Variants in METTL15 observed in about 807,000 individuals in gnomAD.
METTL15 encodes the protein 12S rRNA N(4)-cytidine methyltransferase METTL15.
METTL15 carries 34 observed loss-of-function variants against 38.3 expected under a neutral mutation model. The observed-to-expected ratio is 0.89, with a 90% confidence interval of 0.68 to 1.18. The LOEUF (loss-of-function observed/expected upper bound fraction) is 1.18. Among genes scored for constraint, METTL15 ranks in the 50% most tolerant of loss-of-function variants. The pLI is 0.00. For synonymous variants in METTL15, 162 were observed against 170.9 expected, an observed-to-expected ratio of 0.95 and a Z score of 0.41; for missense variants, 438 against 498.4, an observed-to-expected ratio of 0.88 and a Z score of 1.15.
intron 4 of METTL15, among the ~76,000 whole-genome samples, chr11:28,213,658 CTT>C (rs34361912): frequency 7.6e-6 from 1 of 131,918 alleles, no homozygotes; most frequent in Non-Finnish European, 1.6e-5. Context: ...GCCTTTTTTT[CTT>C]TTTTTTTTTT....
chr11:28,289,326 C>A (rs1856416011), intron 4 of METTL15, among the ~76,000 whole-genome samples: 1 of 152,130 alleles, frequency 6.6e-6, no homozygotes, highest in South Asian at 2.1e-4. Context: ...TTAAAAATTA[C>A]TAATGAGCTG....
At chr11:28,441,285 G>A (rs1210229756) in intron 6 of METTL15, among the ~76,000 whole-genome samples, 4 of 151,882 alleles carry the variant, frequency 2.6e-5, no homozygotes, top group Admixed American at 2.0e-4. Context: ...CACCATGTTG[G>A]CCAGGCTGGT....
At chr11:28,228,343 AAT>A (rs61330090) in intron 4 of METTL15, among the ~76,000 whole-genome samples, 13,212 of 151,878 alleles carry the variant, frequency 0.087, 1,028 homozygotes, top group East Asian at 0.36. Flanking sequence ...TAAAACTTTG[AAT>A]AGGTTACTTA....
chr11:28,323,190 C>CT (rs894124234), intron 6 of METTL15, among the ~76,000 whole-genome samples: 1 of 150,790 alleles, frequency 6.6e-6, no homozygotes, highest in Non-Finnish European at 1.5e-5. Context: ...TTTCCTTTGG[C>CT]TTTTTTTTTC....
intron 4 of METTL15, among the ~76,000 whole-genome samples, chr11:28,249,522 T>C (rs1449385535): frequency 3.9e-5 from 6 of 152,016 alleles, no homozygotes; most frequent in Non-Finnish European, 7.4e-5. Context: ...TTTATGCTTC[T>C]TAAATATTGT....
chr11:28,200,138 C>T (rs1852056403), intron 3 of METTL15, among the ~76,000 whole-genome samples: 1 of 152,134 alleles, frequency 6.6e-6, no homozygotes, highest in Non-Finnish European at 1.5e-5. Context: ...TCTCTACTCA[C>T]CACATCTAAT....
At chr11:28,304,715 C>T (rs115396220) in intron 6 of METTL15, among the ~76,000 whole-genome samples, 9 of 151,394 alleles carry the variant, frequency 5.9e-5, no homozygotes. Flanking sequence ...AACTCTGTCT[C>T]AAAAATAATA....
At chr11:28,239,281 A>G (rs1854180323) in intron 4 of METTL15, among the ~76,000 whole-genome samples, 1 of 152,226 alleles carries the variant, frequency 6.6e-6, no homozygotes, top group East Asian at 1.9e-4. Flanking sequence ...ATTCCAGCCC[A>G]TCTGTTAAGG....
chr11:28,169,800 A>G (rs1257539277), intron 3 of METTL15, among the ~76,000 whole-genome samples: 2 of 140,896 alleles, frequency 1.4e-5, no homozygotes, highest in African/African-American at 5.4e-5. Flanking sequence ...TTCAAAACCT[A>G]ATGCAAACTC....
intron 6 of METTL15, among the ~76,000 whole-genome samples, chr11:28,318,349 G>A (rs1849342960): frequency 6.6e-6 from 1 of 151,686 alleles, no homozygotes; most frequent in Non-Finnish European, 1.5e-5. Context: ...AGTACAGAGG[G>A]GTAAATAATT....
rs145609850 is a variant in METTL15 at position 28,382,399 on chromosome 11, G to A, written c.*358+20363G>A. ...GTTTCCTGTAGGTGAGGCGAGGCAG[G>A]TATCCCATGAAAAAACCCAAAATGG... On this transcript the variant is annotated intron_variant and NMD_transcript_variant, in intron 5 of 7. Transcript: ENST00000532947. 4.7e-3 allele frequency among the ~76,000 whole-genome samples: 721 copies of A among 152,202 alleles called. 6 individuals are homozygous for A. Among genetic ancestry groups the A allele is most frequent in the African/African-American group, 0.016 (671 of 41,522 alleles).
rs1313497959 is a variant in METTL15 at position 28,291,050 on chromosome 11, C to CTT, written c.599+669_599+670dup. Among the ~76,000 whole-genome samples the CTT allele has an allele frequency of 3.4e-3, 457 of 133,618 alleles. 3 individuals carry two copies. Among genetic ancestry groups the CTT allele is most frequent in the African/African-American group, 8.1e-3 (291 of 35,946 alleles). 87.7% of individuals were successfully genotyped at this position (133,618 alleles called of 152,430 possible). A position where few individuals can be genotyped will look rare whatever the true frequency, so the allele number is the denominator to read the frequency against. ...AGGAAAGTGTAGAAATAATTCTTTT[C>CTT]TTTTTTTTTTTTTTTTTGAGACAGA... On this transcript the variant is annotated intron_variant, in intron 5 of 6. Transcript: ENST00000407364.
intron 4 of METTL15, among the ~76,000 whole-genome samples, chr11:28,211,941 G>GT (rs2133842012): frequency 6.6e-6 from 1 of 152,078 alleles, no homozygotes; most frequent in African/African-American, 2.4e-5. Context: ...AACTTGAGAG[G>GT]TAATTTTGAC....
chr11:28,237,716 T>C (rs1464466557), intron 4 of METTL15, among the ~76,000 whole-genome samples: 1 of 152,234 alleles, frequency 6.6e-6, no homozygotes, highest in Non-Finnish European at 1.5e-5. Context: ...CTCTGTTTTT[T>C]CCCCATCTTT....
At chr11:28,380,696 A>G (rs537206066) in intron 5 of METTL15, among the ~76,000 whole-genome samples, 11 of 152,284 alleles carry the variant, frequency 7.2e-5, no homozygotes, top group South Asian at 4.1e-4. Flanking sequence ...CATCTTATTG[A>G]TATAAAAAGT....
At chr11:28,250,719 G>A (rs1854705457) in intron 4 of METTL15, among the ~76,000 whole-genome samples, 2 of 151,838 alleles carry the variant, frequency 1.3e-5, no homozygotes, top group Non-Finnish European at 2.9e-5. Flanking sequence ...CTCTTAGTTG[G>A]TTCTCTTTGT....
At chr11:28,465,782 G>A (rs1564939092) in intron 6 of METTL15, among the ~76,000 whole-genome samples, 1 of 152,112 alleles carries the variant, frequency 6.6e-6, no homozygotes, top group Non-Finnish European at 1.5e-5. Flanking sequence ...ATTCTTTGTT[G>A]TGGGGGCGCT....
At chr11:28,149,110 A>G (rs1002222617) in intron 3 of METTL15, among the ~76,000 whole-genome samples, 1 of 151,670 alleles carries the variant, frequency 6.6e-6, no homozygotes, top group Non-Finnish European at 1.5e-5. Context: ...CCATATAGTT[A>G]GCTTAAACAC....
chr11:28,530,030 A>G (rs954901458), downstream of METTL15, among the ~76,000 whole-genome samples: 1 of 152,100 alleles, frequency 6.6e-6, no homozygotes, highest in Non-Finnish European at 1.5e-5. Flanking sequence ...AGCTATACAT[A>G]ATTGGGAAGC....
Sources: gnomAD v4.1 joint callset for allele counts (sites outside exome capture counted in the v4.1 genomes callset) on GRCh38, gnomAD v4.1.1 for gene constraint, MANE v1.5 for transcripts, NCBI Gene and HGNC (gene_info 2026-07-23, HGNC 2026-07-21) for gene names.